CUL2: variants seen among roughly 807,000 people sequenced by gnomAD.
The protein encoded by CUL2 is cullin 2.
In CUL2, 22 loss-of-function variants were observed where a neutral mutation model predicts 110.2. That is an observed-to-expected ratio of 0.20 (90% CI 0.14 to 0.28). The LOEUF (loss-of-function observed/expected upper bound fraction) is 0.28, where lower values mean the gene tolerates loss of function less well. Among genes scored for constraint, CUL2 ranks in the 10% least tolerant of loss-of-function variants. The pLI is 1.00. For synonymous variants in CUL2, 279 were observed against 293.2 expected, an observed-to-expected ratio of 0.95 and a Z score of 0.49; for missense variants, 631 against 905.5, an observed-to-expected ratio of 0.70 and a Z score of 3.89.
chr10:35,065,378 T>C (rs942833894), intron 2 of CUL2, among the ~76,000 whole-genome samples: 2 of 152,106 alleles, frequency 1.3e-5, no homozygotes, highest in African/African-American at 2.4e-5. Context: ...CCCAGCACTT[T>C]AGGAGGCCAA....
At chr10:35,061,918 A>G (rs1309277597) in intron 3 of CUL2, among the ~76,000 whole-genome samples, 1 of 151,966 alleles carries the variant, frequency 6.6e-6, no homozygotes, top group African/African-American at 2.4e-5. Flanking sequence ...AGTTCTTACC[A>G]TTTAAAAAAG....
intron 9 of CUL2, among the ~76,000 whole-genome samples, chr10:35,037,143 ATTTT>A (rs1212320027): frequency 6.6e-6 from 1 of 152,086 alleles, no homozygotes; most frequent in Non-Finnish European, 1.5e-5. Context: ...TAGAAGTGTT[ATTTT>A]TTTACCTTGT....
At chr10:35,050,343 ATT>A (rs1166258793) in intron 5 of CUL2, among the ~76,000 whole-genome samples, 4 of 152,046 alleles carry the variant, frequency 2.6e-5, no homozygotes, top group Non-Finnish European at 5.9e-5. Flanking sequence ...AAAAAACTTA[ATT>A]TTTTGATTGT....
chr10:35,086,711 A>G (rs2135064704), intron 1 of CUL2, among the ~76,000 whole-genome samples: 1 of 151,854 alleles, frequency 6.6e-6, no homozygotes, highest in South Asian at 2.1e-4. Context: ...CAGAGCGAAC[A>G]CCATCTCAAA....
rs1416520412 is a variant in CUL2 at position 35,044,649 on chromosome 10, A to C, written c.631T>G (p.Phe211Val). 2 of 1,609,710 alleles carry C rather than the reference A, an allele frequency of 1.2e-6. No individual in the cohort carries two copies. Among genetic ancestry groups the C allele is most frequent in the East Asian group, 4.5e-5 (2 of 44,732 alleles). The change falls in exon 8 of 21, where the codon TTT becomes GTT. Residue 211 changes from phenylalanine (F) to valine (V), a missense_variant. Transcript: ENST00000374749. ...TAATACTCTCCTGTTTCAGTCAGAA[A>C]GGGAGACTCAAAAATTTCCTGATAA... is the stretch of plus-strand genomic sequence containing the variant. ...KFYQEIFESP[F>V]LTETGEYYKQ...
At chr10:35,040,145 C>T (rs937125287) in intron 8 of CUL2, among the ~76,000 whole-genome samples, 11 of 151,998 alleles carry the variant, frequency 7.2e-5, no homozygotes, top group Non-Finnish European at 1.0e-4. Flanking sequence ...AAGAGCGAGG[C>T]TCTGTCTCAA....
At chr10:35,071,405 T>A (rs1269770035) in intron 1 of CUL2, 66 bp from the exon 2 acceptor site, 34 of 1,417,578 alleles carry the variant, frequency 2.4e-5, no homozygotes, top group Non-Finnish European at 2.9e-5. Flanking sequence ...TTGTTGTTGT[T>A]TTTTGTTTGT....
chr10:35,091,745 C>T (rs1013692650), upstream of CUL2, among the ~76,000 whole-genome samples: 1 of 152,006 alleles, frequency 6.6e-6, no homozygotes, highest in Non-Finnish European at 1.5e-5. Flanking sequence ...CTCAGCTTCC[C>T]GAGTAGCTGG....
At chr10:35,084,012 C>G (rs1403722836) in intron 1 of CUL2, among the ~76,000 whole-genome samples, 1 of 152,164 alleles carries the variant, frequency 6.6e-6, no homozygotes, top group Non-Finnish European at 1.5e-5. Context: ...CACAGTGGCT[C>G]ACACCTGTAA....
At chr10:35,021,265 T>TC (rs2085174309) in intron 17 of CUL2, among the ~76,000 whole-genome samples, 2 of 150,824 alleles carry the variant, frequency 1.3e-5, no homozygotes, top group African/African-American at 2.4e-5. Context: ...TTTCTTTCTT[T>TC]TTTTTTTTTG....
chr10:35,021,457 A>G (rs2085181745), intron 17 of CUL2, among the ~76,000 whole-genome samples: 1 of 140,796 alleles, frequency 7.1e-6, no homozygotes. Context: ...ACACACACAT[A>G]CATACACACA....
chr10:35,108,468 G>A (rs11597184), intron 1 of CUL2, among the ~76,000 whole-genome samples: 44,296 of 149,346 alleles, frequency 0.3, 6,935 homozygotes, highest in South Asian at 0.35. Flanking sequence ...AAAAAAAAAA[G>A]GAAAAAAAGA....
At chr10:35,071,629 T>C (rs2505633) in intron 1 of CUL2, among the ~76,000 whole-genome samples, 23,149 of 152,174 alleles carry the variant, frequency 0.15, 2,153 homozygotes, top group East Asian at 0.24. Flanking sequence ...AGGATGGTCT[T>C]GATCTCCTGA....
intron 2 of CUL2, among the ~76,000 whole-genome samples, chr10:35,069,397 C>T (rs956331477): frequency 6.6e-6 from 1 of 151,888 alleles, no homozygotes; most frequent in African/African-American, 2.4e-5. Flanking sequence ...AAAAATCAGC[C>T]AGGTGTGGTA....
chr10:35,028,696 A>C (rs2085392801), intron 16 of CUL2, 114 bp downstream of exon 16: 1 of 616,476 alleles, frequency 1.6e-6, no homozygotes, highest in African/African-American at 1.8e-5. Flanking sequence ...TAATTTCTGA[A>C]TCTATTTTTA....
chr10:35,101,178 T>C (rs1020207383), intron 1 of CUL2: 4 of 152,204 alleles, frequency 2.6e-5, no homozygotes, highest in Non-Finnish European at 5.9e-5. Flanking sequence ...AAGAGTCTCA[T>C]AGCCAGTTGG....
chr10:35,086,754 A>T (rs942543702), intron 1 of CUL2, among the ~76,000 whole-genome samples: 3 of 152,174 alleles, frequency 2.0e-5, no homozygotes, highest in Admixed American at 2.0e-4. Flanking sequence ...GAACTTAACA[A>T]GGGCAGGGAC....
At chr10:35,112,393 T>C (rs1307969598) in intron 1 of CUL2, among the ~76,000 whole-genome samples, 1 of 152,176 alleles carries the variant, frequency 6.6e-6, no homozygotes, top group African/African-American at 2.4e-5. Context: ...ACTCCTACAA[T>C]TGAGCCAGCT....
intron 5 of CUL2, among the ~76,000 whole-genome samples, chr10:35,051,486 G>C (rs889679194): frequency 1.3e-5 from 2 of 151,882 alleles, no homozygotes; most frequent in African/African-American, 4.8e-5. Context: ...GGTGGCGGGC[G>C]CCTGTAGTCC....
Sources: gnomAD v4.1 joint callset for allele counts (sites outside exome capture counted in the v4.1 genomes callset) on GRCh38, gnomAD v4.1.1 for gene constraint, MANE v1.5 for transcripts, NCBI Gene and HGNC (gene_info 2026-07-23, HGNC 2026-07-21) for gene names.